Variants in ANKRD30BL observed in about 807,000 individuals in gnomAD.
ANKRD30BL encodes the protein putative ankyrin repeat domain-containing protein 30B-like.
Under a neutral mutation model 18.4 loss-of-function variants are expected in ANKRD30BL, and 20 were observed. That is an observed-to-expected ratio of 1.09 (90% confidence interval 0.77 to 1.58). The LOEUF is 1.58. Ranked by LOEUF, ANKRD30BL falls within the 40% of genes most tolerant of loss-of-function variation. The probability of loss-of-function intolerance (pLI) is 0.00; values close to 1 mark genes in which losing one functional copy is unlikely to be tolerated. For synonymous variants in ANKRD30BL, 72 were observed against 100.9 expected (o/e 0.71, Z 1.72); for missense variants, 224 against 268.6 (o/e 0.83, Z 1.16).
chr2:132,171,968 G>A (rs538569551), intron 1 of ANKRD30BL, among the ~76,000 whole-genome samples: 66 of 152,224 alleles, frequency 4.3e-4, no homozygotes, highest in African/African-American at 1.5e-3. Flanking sequence ...TTATCCTTTT[G>A]CATCTGGATT....
chr2:132,256,798 C>A (rs1490169599), intron 1 of ANKRD30BL, among the ~76,000 whole-genome samples: 1 of 152,228 alleles, frequency 6.6e-6, no homozygotes, highest in Non-Finnish European at 1.5e-5. Flanking sequence ...AGCGGCGGCG[C>A]CCCACCAGGC....
intron 1 of ANKRD30BL, among the ~76,000 whole-genome samples, chr2:132,159,336 C>T (rs1441361444): frequency 6.6e-6 from 1 of 152,078 alleles, no homozygotes; most frequent in African/African-American, 2.4e-5. Flanking sequence ...ACCAAATTGT[C>T]TATTTGAAAA....
At chr2:132,158,913 A>G (rs2104928486) in intron 1 of ANKRD30BL, among the ~76,000 whole-genome samples, 1 of 152,122 alleles carries the variant, frequency 6.6e-6, no homozygotes, top group Middle Eastern at 3.4e-3. Flanking sequence ...CACAAAAAGT[A>G]ATAATTAAAT....
chr2:132,179,214 T>A (rs1259852867), intron 1 of ANKRD30BL, among the ~76,000 whole-genome samples: 1 of 152,138 alleles, frequency 6.6e-6, no homozygotes, highest in African/African-American at 2.4e-5. Flanking sequence ...TATAATTACT[T>A]ACAGAACATA....
In ANKRD30BL at chr2:132,157,394, C is replaced by T; in HGVS notation, c.248G>A (p.Gly83Asp). Residue 83 changes from glycine to aspartate, a missense_variant, in exon 2 of 6, where the codon GGC becomes GAC. By Grantham distance (94) the Gly-to-Asp change is moderately conservative. Transcript: ENST00000409867. ...RTALYWACAN[G>D]HAEVVTLLVD... is the part of the protein sequence containing the mutation. ...CAGAAGTGTTACTACTTCTGCATGG[C>T]CATTGGCACAGGCCCAGTATAGAGC... 2.7e-6 allele frequency: 2 copies of T among 750,034 alleles called. No homozygotes were observed. Among genetic ancestry groups the T allele is most frequent in the Non-Finnish European group, 5.0e-6 (2 of 404,034 alleles). 46.5% of individuals were successfully genotyped at this position (750,034 alleles called of 1,614,324 possible).
chr2:132,238,851 G>T (rs917135385), intron 1 of ANKRD30BL, among the ~76,000 whole-genome samples: 37 of 151,258 alleles, frequency 2.4e-4, no homozygotes, highest in Admixed American at 1.7e-3. Context: ...CATTCATCTC[G>T]CAGTTGAACA....
intron 1 of ANKRD30BL, among the ~76,000 whole-genome samples, chr2:132,226,148 C>T (rs990910619): frequency 7.2e-5 from 11 of 151,760 alleles, no homozygotes; most frequent in South Asian, 4.1e-4. Context: ...ATATTTTGAC[C>T]GCTTAGAGGC....
chr2:132,243,314 G>A (rs961751170), intron 1 of ANKRD30BL, among the ~76,000 whole-genome samples: 4 of 151,628 alleles, frequency 2.6e-5, no homozygotes, highest in African/African-American at 9.7e-5. Flanking sequence ...TGATACAGCA[G>A]TTTTGAAAAA....
chr2:132,182,793 C>A (rs1688493243), intron 1 of ANKRD30BL, among the ~76,000 whole-genome samples: 1 of 152,018 alleles, frequency 6.6e-6, no homozygotes, highest in East Asian at 1.9e-4. Context: ...AAAAATTGCC[C>A]ATTTTTGTGA....
chr2:132,198,235 C>T (rs942574275), intron 1 of ANKRD30BL, among the ~76,000 whole-genome samples: 18 of 149,750 alleles, frequency 1.2e-4, no homozygotes, highest in Non-Finnish European at 2.2e-4. Context: ...CTCTCTTTTT[C>T]TCTTTCATAA....
chr2:132,224,561 G>T (rs1211250065), intron 1 of ANKRD30BL, among the ~76,000 whole-genome samples: 1 of 152,110 alleles, frequency 6.6e-6, no homozygotes, highest in Non-Finnish European at 1.5e-5. Flanking sequence ...TTTTGATAGA[G>T]CAGGTTTGAA....
intron 1 of ANKRD30BL, among the ~76,000 whole-genome samples, chr2:132,222,212 G>A (rs531245137): frequency 0.024 from 3,363 of 140,764 alleles, 112 homozygotes; most frequent in African/African-American, 0.085. Context: ...GGAGGGTGGT[G>A]GGGGGGTCAG....
chr2:132,177,792 G>T (rs916707159), intron 1 of ANKRD30BL, among the ~76,000 whole-genome samples: 6 of 152,248 alleles, frequency 3.9e-5, no homozygotes, highest in Non-Finnish European at 7.4e-5. Context: ...TATAAATGTG[G>T]TTATATTGAC....
chr2:132,176,433 C>T (rs1396137451), intron 1 of ANKRD30BL, among the ~76,000 whole-genome samples: 1 of 152,072 alleles, frequency 6.6e-6, no homozygotes, highest in Non-Finnish European at 1.5e-5. Flanking sequence ...GAGGCTGAGG[C>T]AGAAGAATCG....
chr2:132,238,820 G>A (rs1573878371), intron 1 of ANKRD30BL, among the ~76,000 whole-genome samples: 1 of 152,086 alleles, frequency 6.6e-6, no homozygotes, highest in Non-Finnish European at 1.5e-5. Flanking sequence ...AGCATTCTCA[G>A]AAATTTCTTT....
intron 1 of ANKRD30BL, among the ~76,000 whole-genome samples, chr2:132,231,696 G>A (rs367942350): frequency 8.5e-5 from 13 of 152,212 alleles, no homozygotes; most frequent in Admixed American, 3.3e-4. Context: ...CTACACCCAC[G>A]GAGTCTCGCT....
intron 1 of ANKRD30BL, among the ~76,000 whole-genome samples, chr2:132,236,156 A>T (rs1403339757): frequency 6.6e-6 from 1 of 152,070 alleles, no homozygotes; most frequent in Non-Finnish European, 1.5e-5. Context: ...CTGAAACTGG[A>T]TCCCTTCCTT....
intron 1 of ANKRD30BL, among the ~76,000 whole-genome samples, chr2:132,217,107 G>C (rs1679526415): frequency 6.6e-6 from 1 of 151,904 alleles, no homozygotes; most frequent in Non-Finnish European, 1.5e-5. Context: ...ATAAAAACTA[G>C]ACAGAAGCAT....
intron 1 of ANKRD30BL, among the ~76,000 whole-genome samples, chr2:132,159,358 C>A (rs1485237099): frequency 3.3e-5 from 5 of 152,114 alleles, no homozygotes; most frequent in Admixed American, 2.0e-4. Context: ...TTATCTGCAA[C>A]TTAAACTTTA....
Sources: gnomAD v4.1 joint callset for allele counts (sites outside exome capture counted in the v4.1 genomes callset) on GRCh38, gnomAD v4.1.1 for gene constraint, MANE v1.5 for transcripts, NCBI Gene and HGNC (gene_info 2026-07-23, HGNC 2026-07-21) for gene names.